The following SPNS3 variants were observed in gnomAD, a reference collection of about 807,000 sequenced individuals.
SPNS3 encodes the protein protein spinster homolog 3.
A neutral mutation model predicts 54.4 loss-of-function variants in SPNS3; 51 were observed. The ratio of observed to expected loss-of-function variants is 0.94; its 90% CI spans 0.75 to 1.18. The LOEUF is 1.18. SPNS3 is among the 50% of genes most tolerant of loss of function. The pLI, the probability that SPNS3 is intolerant of heterozygous loss-of-function variation, is 0.00. For missense variants in SPNS3, 669 were observed against 677.4 expected, an observed-to-expected ratio of 0.99 and a Z score of 0.14; for synonymous variants, 309 against 294.7, an observed-to-expected ratio of 1.05 and a Z score of -0.50.
intron 1 of SPNS3, among the ~76,000 whole-genome samples, chr17:4,435,897 A>T (rs1316551945): frequency 6.6e-6 from 1 of 152,230 alleles, no homozygotes; most frequent in East Asian, 1.9e-4. Flanking sequence ...GTGCCACTGC[A>T]CTCCAGCCTG....
chr17:4,438,368 G>T (rs1425996938), intron 1 of SPNS3, among the ~76,000 whole-genome samples: 1 of 152,218 alleles, frequency 6.6e-6, no homozygotes, highest in Non-Finnish European at 1.5e-5. Context: ...CCCTCTTTTA[G>T]GATGACAACT....
intron 8 of SPNS3, among the ~76,000 whole-genome samples, chr17:4,477,119 C>T (rs1412200845): frequency 6.6e-6 from 1 of 152,232 alleles, no homozygotes; most frequent in Non-Finnish European, 1.5e-5. Context: ...CTCCCCTCTT[C>T]CCCCCGTGGC....
Position 4,445,059 on chromosome 17 carries a change from C to T in SPNS3, c.293C>T (p.Ala98Val), listed in dbSNP as rs1041094073. The T allele has an allele frequency of 2.5e-6, 4 of 1,614,088 alleles. No individual in the cohort carries two copies. The highest frequency in any genetic ancestry group is 3.3e-4 in the Middle Eastern group (2 of 6,062). The change falls in exon 3 of 12, where the codon GCA becomes GTA. Residue 98 changes from alanine to valine, a missense_variant. Physicochemically the swap from Ala to Val is moderately conservative, Grantham distance 64. Coordinates refer to ENST00000355530, the MANE Select transcript of SPNS3 (RefSeq NM_182538.5). ...TVFVSCLLLS[A>V]PVFGYLGDRH... is the part of the protein sequence containing the mutation. ...TTCGTTAGCTGCCTGCTGCTGTCTG[C>T]ACCTGTGTTTGGCTACCTGGGCGAC...
chr17:4,478,024 T>G (rs1414358054), intron 8 of SPNS3, among the ~76,000 whole-genome samples: 1 of 131,528 alleles, frequency 7.6e-6, no homozygotes, highest in Non-Finnish European at 1.5e-5. Context: ...CAGGCTGGAG[T>G]GCAGTGGTGT....
chr17:4,481,362 C>A (rs185806632), intron 9 of SPNS3, among the ~76,000 whole-genome samples: 1 of 151,890 alleles, frequency 6.6e-6, no homozygotes, highest in East Asian at 1.9e-4. Context: ...TCCCCTTTGC[C>A]GGCCGGCACT....
chr17:4,486,947 G>A lies in SPNS3; in HGVS notation c.1450+364G>A, dbSNP rs1972335806. 6.6e-6 allele frequency among the ~76,000 whole-genome samples: 1 copy of A among 152,114 alleles called. No homozygotes were observed. Among genetic ancestry groups the A allele is most frequent in the Non-Finnish European group, 1.5e-5 (1 of 68,014 alleles). On this transcript the variant is annotated intron_variant, in intron 11 of 11. Coordinates refer to ENST00000355530, the MANE Select transcript of SPNS3 (RefSeq NM_182538.5). The surrounding 1 kb of genome is among the most constrained non-coding windows in gnomAD (Gnocchi z 5.5). Reference sequence around the variant, plus strand: ...CCAGTACTTGGGGAGGCCAAGGCGGGCGGATTACAAGGTTAGGAGTTCAAG... The same window carrying A: ...CCAGTACTTGGGGAGGCCAAGGCGGACGGATTACAAGGTTAGGAGTTCAAG...
rs1028920340 is a variant in SPNS3, at chr17:4,486,845, T to C, written c.1450+262T>C. Among the ~76,000 whole-genome samples the C allele has an allele frequency of 6.6e-6, 1 of 151,700 alleles. No homozygotes were observed. Among genetic ancestry groups the C allele is most frequent in the African/African-American group, 2.4e-5 (1 of 41,252 alleles). Reference sequence around the variant, plus strand: ...GGTTAAAGATATAGCATGTTCAGGGTGACGAGTGCTATGGAGAGGTATAAA... The same window carrying C: ...GGTTAAAGATATAGCATGTTCAGGGCGACGAGTGCTATGGAGAGGTATAAA... On this transcript the variant is annotated intron_variant, in intron 11 of 11. Transcript: ENST00000355530. This position sits in a 1 kb window ranked among gnomAD's most constrained non-coding sequence, Gnocchi z 5.5.
chr17:4,436,661 A>G (rs62066154), intron 1 of SPNS3, among the ~76,000 whole-genome samples: 8,790 of 152,278 alleles, frequency 0.058, 316 homozygotes, highest in Non-Finnish European at 0.081. Context: ...AAAAAACCCC[A>G]AAGGGGTGTA....
At chr17:4,479,093 C>G (rs57625122) in intron 9 of SPNS3, among the ~76,000 whole-genome samples, 5,340 of 152,214 alleles carry the variant, frequency 0.035, 304 homozygotes, top group African/African-American at 0.12. Context: ...CAGGCACCCG[C>G]CACCATGCCC....
intron 4 of SPNS3, 106 bp downstream of exon 4, chr17:4,446,305 G>A: frequency 7.8e-7 from 1 of 1,283,974 alleles, no homozygotes; most frequent in East Asian, 2.4e-5. Context: ...GGAGGGCTGG[G>A]ATTTGAGTCC....
intron 8 of SPNS3, among the ~76,000 whole-genome samples, chr17:4,472,774 CTTTTTTTTTTTTTTTT>C (rs375118697): frequency 1.8e-4 from 9 of 50,972 alleles, no homozygotes; most frequent in Non-Finnish European, 2.3e-4. Flanking sequence ...GCTTGGCAGC[CTTTTTTTTTTTTTTTT>C]TTTTTTTTTT....
At chr17:4,482,853 A>G (rs1292215331) in intron 9 of SPNS3, among the ~76,000 whole-genome samples, 1 of 152,144 alleles carries the variant, frequency 6.6e-6, no homozygotes, top group Non-Finnish European at 1.5e-5. Flanking sequence ...GGCAGGGGAC[A>G]GTGTAAGCAA....
At chr17:4,439,130 C>CTTTT (rs375231787) in intron 1 of SPNS3, among the ~76,000 whole-genome samples, 1 of 148,676 alleles carries the variant, frequency 6.7e-6, no homozygotes, top group Admixed American at 6.7e-5. Flanking sequence ...CTTTTTCTTT[C>CTTTT]TTTTTTTTTT....
chr17:4,468,940 A>G (rs1182511127), intron 8 of SPNS3, among the ~76,000 whole-genome samples: 1 of 150,880 alleles, frequency 6.6e-6, no homozygotes, highest in Non-Finnish European at 1.5e-5. Context: ...GGGGCATGCC[A>G]CCAGGCCCAG....
chr17:4,458,952 G>C (rs1181616795), intron 8 of SPNS3, among the ~76,000 whole-genome samples: 4 of 151,998 alleles, frequency 2.6e-5, no homozygotes, highest in African/African-American at 4.8e-5. Context: ...AATAACCTTA[G>C]GAGCCTTATT....
intron 5 of SPNS3, among the ~76,000 whole-genome samples, chr17:4,447,328 A>G (rs1217900277): frequency 6.6e-6 from 1 of 152,210 alleles, no homozygotes; most frequent in Non-Finnish European, 1.5e-5. Flanking sequence ...CAGGGTGTAG[A>G]GTAGGCCCTT....
At chr17:4,465,924 C>T (rs367727902) in intron 8 of SPNS3, among the ~76,000 whole-genome samples, 9 of 152,338 alleles carry the variant, frequency 5.9e-5, no homozygotes, top group East Asian at 5.8e-4. Flanking sequence ...TGCACAGTGG[C>T]GAAGCCTACC....
At chr17:4,451,250 G>GT (rs1315287916) in intron 7 of SPNS3, among the ~76,000 whole-genome samples, 2,243 of 91,244 alleles carry the variant, frequency 0.025, 26 homozygotes, top group Non-Finnish European at 0.036. Flanking sequence ...CTTCTTCTTT[G>GT]TTTTTTTTTT....
chr17:4,433,977 G>C lies in SPNS3; in HGVS notation c.10G>C (p.Gly4Arg). MAG[G>R]MSAECPEPGP... ...AGAGCTGCAGGCTGGCATGGCTGGG[G>C]GGATGTCAGCGGAGTGCCCTGAGCC... is the stretch of plus-strand genomic sequence containing the variant. The change falls in exon 1 of 12, where the codon GGG becomes CGG. Residue 4 changes from glycine (G) to arginine (R), a missense_variant. Physicochemically the swap from Gly to Arg is moderately radical, Grantham distance 125. Transcript: ENST00000355530. The C allele has an allele frequency of 6.5e-7, 1 of 1,539,750 alleles. No homozygotes were observed. The highest frequency in any genetic ancestry group is 8.8e-7 in the Non-Finnish European group (1 of 1,142,052).
Sources: allele counts gnomAD v4.1 joint callset (sites outside exome capture counted in the v4.1 genomes callset), GRCh38; gene constraint gnomAD v4.1.1; non-coding constraint Gnocchi (gnomAD v3.1); transcripts MANE v1.5; gene names NCBI Gene and HGNC (gene_info 2026-07-23, HGNC 2026-07-21).